MTMR3: variants seen among roughly 807,000 people sequenced by gnomAD.
MTMR3 encodes the protein myotubularin related protein 3.
Under a neutral mutation model 132.4 loss-of-function variants are expected in MTMR3, and 32 were observed. The observed-to-expected ratio is 0.24, with a 90% CI of 0.18 to 0.32. The LOEUF is 0.32. Among genes scored for constraint, MTMR3 ranks in the 10% least tolerant of loss-of-function variants. The pLI, the probability that MTMR3 is intolerant of heterozygous loss-of-function variation, is 1.00. For missense variants in MTMR3, 1,216 were observed against 1,489.6 expected, an observed-to-expected ratio of 0.82 and a Z score of 3.02; for synonymous variants, 556 against 550.3, an observed-to-expected ratio of 1.01 and a Z score of -0.14.
chr22:29,890,999 C>T (rs1006854654), intron 1 of MTMR3, among the ~76,000 whole-genome samples: 1 of 149,414 alleles, frequency 6.7e-6, no homozygotes, highest in Non-Finnish European at 1.5e-5. Context: ...GTACTCTAGC[C>T]TGGACAACAT....
At chr22:29,915,783 A>G (rs1029582602) in intron 1 of MTMR3, among the ~76,000 whole-genome samples, 6 of 152,158 alleles carry the variant, frequency 3.9e-5, no homozygotes, top group Middle Eastern at 3.2e-3. Context: ...TTGAGTATCC[A>G]TATGGTTAGG....
chr22:29,977,564 C>T (rs140706325), intron 3 of MTMR3, among the ~76,000 whole-genome samples: 12 of 152,140 alleles, frequency 7.9e-5, no homozygotes, highest in Admixed American at 6.5e-4. Context: ...AGTTCTTAAG[C>T]TTACTTTTTC....
chr22:29,914,278 T>G (rs1443933985), intron 1 of MTMR3, among the ~76,000 whole-genome samples: 1 of 152,242 alleles, frequency 6.6e-6, no homozygotes, highest in Non-Finnish European at 1.5e-5. Context: ...ATTGTCATTC[T>G]TACTAACTTA....
At chr22:29,965,973 C>T (rs935905562) in intron 2 of MTMR3, among the ~76,000 whole-genome samples, 9 of 151,954 alleles carry the variant, frequency 5.9e-5, no homozygotes, top group Non-Finnish European at 1.0e-4. Flanking sequence ...ATTAATTCTT[C>T]AATAACTGGA....
At chr22:29,965,840 C>T (rs989642535) in intron 2 of MTMR3, among the ~76,000 whole-genome samples, 29 of 151,938 alleles carry the variant, frequency 1.9e-4, no homozygotes, top group African/African-American at 4.1e-4. Context: ...TTGGGACATC[C>T]GGGATGCTTG....
intron 5 of MTMR3, chr22:29,982,899 A>C (rs1473470754): frequency 6.6e-6 from 1 of 151,296 alleles, no homozygotes; most frequent in Non-Finnish European, 1.5e-5. Flanking sequence ...ATTATAAACA[A>C]GTGTTCAAGT....
At chr22:29,970,575 C>T (rs895221723) in intron 2 of MTMR3, among the ~76,000 whole-genome samples, 12 of 139,600 alleles carry the variant, frequency 8.6e-5, no homozygotes, top group Non-Finnish European at 7.6e-5. Context: ...CTTCTGAGCT[C>T]AGGCTATCTG....
At chr22:29,986,563 A>G in intron 5 of MTMR3, 1 of 984,312 alleles carries the variant, frequency 1.0e-6, no homozygotes, top group Non-Finnish European at 1.2e-6. Context: ...CATCAGTTGC[A>G]GTTTCTCACA....
chr22:29,942,294 G>C (rs943520688), intron 1 of MTMR3, among the ~76,000 whole-genome samples: 7 of 152,186 alleles, frequency 4.6e-5, no homozygotes, highest in Non-Finnish European at 8.8e-5. Context: ...AAAGGAGAGG[G>C]AGTGTACGAA....
At chr22:29,926,125 T>G (rs551152272) in intron 1 of MTMR3, among the ~76,000 whole-genome samples, 6 of 152,314 alleles carry the variant, frequency 3.9e-5, no homozygotes, top group African/African-American at 9.6e-5. Context: ...TGATATTTTA[T>G]TTAAATAGAA....
intron 3 of MTMR3, among the ~76,000 whole-genome samples, chr22:29,972,323 A>G (rs2066551729): frequency 6.6e-6 from 1 of 152,174 alleles, no homozygotes; most frequent in Non-Finnish European, 1.5e-5. Flanking sequence ...CCACACGGCT[A>G]GTAACAGTGT....
At chr22:30,009,422 G>T (rs1387193831) in intron 12 of MTMR3, 1 of 293,710 alleles carries the variant, frequency 3.4e-6, no homozygotes. Flanking sequence ...CTTACTGTTT[G>T]TCCTGGGACC....
chr22:29,926,258 T>G (rs1197880070), intron 1 of MTMR3, among the ~76,000 whole-genome samples: 2 of 152,256 alleles, frequency 1.3e-5, no homozygotes, highest in Non-Finnish European at 2.9e-5. Flanking sequence ...TACTCCATTG[T>G]GTGTATGGAT....
intron 3 of MTMR3, among the ~76,000 whole-genome samples, chr22:29,977,634 A>C (rs2066655340): frequency 6.6e-6 from 1 of 152,174 alleles, no homozygotes; most frequent in East Asian, 1.9e-4. Flanking sequence ...GAGTAGACAC[A>C]ATGGTAGAGA....
intron 2 of MTMR3, among the ~76,000 whole-genome samples, chr22:29,966,570 G>A (rs2066419538): frequency 6.6e-6 from 1 of 152,192 alleles, no homozygotes. Flanking sequence ...TGTATATTAG[G>A]TAGAATTCTT....
intron 11 of MTMR3, 60 bp downstream of exon 11, chr22:30,008,092 A>C (rs185169625): frequency 1.3e-6 from 2 of 1,580,404 alleles, no homozygotes; most frequent in Non-Finnish European, 1.7e-6. Context: ...CCCTTGCCCA[A>C]CTGAGACTTA....
intron 1 of MTMR3, among the ~76,000 whole-genome samples, chr22:29,949,624 G>A (rs905025129): frequency 3.3e-5 from 5 of 151,280 alleles, no homozygotes; most frequent in African/African-American, 1.2e-4. Context: ...CGTGAGAATA[G>A]GAGCTCTTAA....
In MTMR3 at chr22:29,915,007, A is replaced by G. The variant is rs190212121; in HGVS notation, c.-138+31648A>G. Among the ~76,000 whole-genome samples, 840 of 152,296 alleles carry G rather than the reference A, an allele frequency of 5.5e-3. 4 individuals are homozygous for G. The highest frequency in any genetic ancestry group is 0.01 in the Middle Eastern group (3 of 294). On this transcript the variant is annotated intron_variant, in intron 1 of 19. Coordinates refer to ENST00000401950, the MANE Select transcript of MTMR3 (RefSeq NM_021090.4). ...ATTGTGGTCAGAGAACATACTCTATAGGATTTCAGTCTTTTTCAGGATTTC... is the reference window on the plus strand; with the variant it reads ...ATTGTGGTCAGAGAACATACTCTATGGGATTTCAGTCTTTTTCAGGATTTC...
intron 1 of MTMR3, among the ~76,000 whole-genome samples, chr22:29,915,760 G>T (rs892971751): frequency 1.3e-5 from 2 of 152,170 alleles, no homozygotes; most frequent in East Asian, 1.9e-4. Flanking sequence ...TAAATGATGG[G>T]TTTACTCTGA....
Sources: allele counts gnomAD v4.1 joint callset (sites outside exome capture counted in the v4.1 genomes callset), GRCh38; gene constraint gnomAD v4.1.1; transcripts MANE v1.5; gene names NCBI Gene and HGNC (gene_info 2026-07-23, HGNC 2026-07-21).